PSMD14: variants seen among roughly 807,000 people sequenced by gnomAD.
PSMD14 encodes the protein ubiquitin C-terminal hydrolase PSMD14.
A neutral mutation model predicts 41.2 loss-of-function variants in PSMD14; 7 were observed. The ratio of observed to expected loss-of-function variants is 0.17; its 90% CI spans 0.10 to 0.32. The LOEUF (loss-of-function observed/expected upper bound fraction) is 0.32, where lower values mean the gene tolerates loss of function less well. Among genes scored for constraint, PSMD14 ranks in the 10% least tolerant of loss-of-function variants. The pLI, the probability that PSMD14 is intolerant of heterozygous loss-of-function variation, is 1.00. For synonymous variants in PSMD14, 114 were observed against 122.3 expected, an observed-to-expected ratio of 0.93 and a Z score of 0.45; for missense variants, 139 against 375.6, an observed-to-expected ratio of 0.37 and a Z score of 5.21.
At chr2:161,327,979 TGTGTGA>T (rs1357566388) in intron 3 of PSMD14, among the ~76,000 whole-genome samples, 30 of 148,914 alleles carry the variant, frequency 2.0e-4, no homozygotes, top group Non-Finnish European at 3.1e-4. Flanking sequence ...TGTGTGTGTG[TGTGTGA>T]GATGTTGGTT....
At chr2:161,341,222 C>T in intron 3 of PSMD14, 1 of 977,144 alleles carries the variant, frequency 1.0e-6, no homozygotes, top group Non-Finnish European at 1.2e-6. Flanking sequence ...GGGCAGGCTC[C>T]GGGCTCGCGG....
At chr2:161,370,997 T>G (rs1358645175) in intron 6 of PSMD14, among the ~76,000 whole-genome samples, 175 bp from the exon 7 acceptor site, 9 of 152,220 alleles carry the variant, frequency 5.9e-5, no homozygotes, top group Non-Finnish European at 1.5e-5. Context: ...CATATTCATT[T>G]CCATGTTTTC....
chr2:161,318,964 A>G (rs1689174217), intron 3 of PSMD14, 91 bp downstream of exon 3: 1 of 960,026 alleles, frequency 1.0e-6, no homozygotes, highest in South Asian at 1.6e-5. Flanking sequence ...CCCCAAGAAA[A>G]TCACCTAACA....
At chr2:161,395,234 T>G in intron 10 of PSMD14, 31 bp downstream of exon 10, 1 of 1,519,402 alleles carries the variant, frequency 6.6e-7, no homozygotes, top group African/African-American at 1.4e-5. Flanking sequence ...TTCTTCTTTA[T>G]AATCTTTGGA....
chr2:161,350,443 A>G (rs1238715083), intron 3 of PSMD14, among the ~76,000 whole-genome samples: 8 of 152,218 alleles, frequency 5.3e-5, no homozygotes, highest in Admixed American at 6.5e-5. Context: ...AGATGTGATA[A>G]TGTTTAATTT....
chr2:161,340,867 C>G lies in PSMD14; in HGVS notation c.48+21994C>G. 1.9e-6 allele frequency: 3 copies of G among 1,613,928 alleles called. 1 individual carries two copies. The highest frequency in any genetic ancestry group is 4.5e-5 in the East Asian group (2 of 44,868). ...AGCTCCTCTTTGGTCATCATCTTCTCGTACTGGTTTCCCCTCAGCTTCCCG... is the reference window on the plus strand; with the variant it reads ...AGCTCCTCTTTGGTCATCATCTTCTGGTACTGGTTTCCCCTCAGCTTCCCG... On this transcript the variant is annotated intron_variant, in intron 3 of 11. Coordinates refer to ENST00000409682, the MANE Select transcript of PSMD14 (RefSeq NM_005805.6).
intron 9 of PSMD14, among the ~76,000 whole-genome samples, chr2:161,393,201 CTT>C (rs1038140849): frequency 3.3e-5 from 5 of 152,118 alleles, no homozygotes; most frequent in African/African-American, 1.2e-4. Flanking sequence ...TGGGAACTGT[CTT>C]TGTTTGCTTT....
At chr2:161,396,914 G>A (rs543591444) in intron 10 of PSMD14, among the ~76,000 whole-genome samples, 1 of 152,208 alleles carries the variant, frequency 6.6e-6, no homozygotes, top group South Asian at 2.1e-4. Flanking sequence ...TGCAACATCT[G>A]TCTCCTGTGT....
intron 7 of PSMD14, among the ~76,000 whole-genome samples, chr2:161,377,154 A>G (rs1683514123): frequency 1.3e-5 from 2 of 151,974 alleles, no homozygotes; most frequent in African/African-American, 4.8e-5. Flanking sequence ...TGCTATATTT[A>G]TAAGATAATT....
At chr2:161,411,231 A>C in intron 11 of PSMD14, 71 bp from the exon 12 acceptor site, 2 of 1,006,736 alleles carry the variant, frequency 2.0e-6, no homozygotes, top group Non-Finnish European at 2.8e-6. Context: ...TCAGCTACTG[A>C]AAAAAATTTA....
At chr2:161,346,295 C>G (rs556993838) in intron 3 of PSMD14, among the ~76,000 whole-genome samples, 62 of 152,194 alleles carry the variant, frequency 4.1e-4, no homozygotes, top group African/African-American at 1.4e-3. Flanking sequence ...TTTTGTCATG[C>G]CTCTCTGAAC....
intron 7 of PSMD14, chr2:161,384,554 C>G (rs1261221849): frequency 6.7e-6 from 1 of 149,412 alleles, no homozygotes; most frequent in East Asian, 2.0e-4. Context: ...AATACTGTTA[C>G]TTAGTATATG....
intron 9 of PSMD14, among the ~76,000 whole-genome samples, chr2:161,392,524 A>G (rs1469687679): frequency 6.6e-6 from 1 of 152,102 alleles, no homozygotes; most frequent in African/African-American, 2.4e-5. Context: ...AGGATGTGCA[A>G]TATAAGATTT....
chr2:161,367,662 T>C, intron 4 of PSMD14, 113 bp downstream of exon 4: 17 of 1,410,498 alleles, frequency 1.2e-5, no homozygotes, highest in Non-Finnish European at 1.6e-5. Flanking sequence ...GCTATTGTTT[T>C]AGGTACATTT....
intron 8 of PSMD14, among the ~76,000 whole-genome samples, chr2:161,386,492 G>T (rs1281762392): frequency 6.6e-6 from 1 of 151,542 alleles, no homozygotes; most frequent in Admixed American, 6.6e-5. Context: ...TAATTTTGGG[G>T]CAGTCACTCA....
intron 3 of PSMD14, among the ~76,000 whole-genome samples, chr2:161,323,446 TA>T (rs1574115165): frequency 6.6e-6 from 1 of 152,128 alleles, no homozygotes; most frequent in East Asian, 1.9e-4. Context: ...GCAGATGACA[TA>T]AGGCTAGGAG....
rs1413768486 is a variant in PSMD14, at chr2:161,391,145, T to C, written c.612T>C (p.Thr204=). 2 of 1,540,572 alleles carry C rather than the reference T, an allele frequency of 1.3e-6. No homozygotes were observed. Among genetic ancestry groups the C allele is most frequent in the Non-Finnish European group, 1.8e-6 (2 of 1,141,648 alleles). ...HGLNRHYYSI[T]INYRKNELEQ... ...TAAACAGACATTATTACTCCATTAC[T>C]ATTAACTATCGGAAAAATGAACTGG... The change falls in exon 9 of 12, where the codon ACT becomes ACC. Residue 204 remains threonine, a synonymous_variant. Coordinates refer to ENST00000409682, the MANE Select transcript of PSMD14 (RefSeq NM_005805.6).
intron 3 of PSMD14, among the ~76,000 whole-genome samples, chr2:161,329,526 G>T (rs1278095027): frequency 6.6e-6 from 1 of 151,798 alleles, no homozygotes; most frequent in East Asian, 1.9e-4. Flanking sequence ...AGTATCTGAT[G>T]TAATCCTTTA....
intron 9 of PSMD14, among the ~76,000 whole-genome samples, chr2:161,393,932 A>G (rs895776793): frequency 2.0e-5 from 3 of 151,086 alleles, no homozygotes; most frequent in African/African-American, 7.3e-5. Flanking sequence ...CTGATATAGA[A>G]TCCAACCCCA....
Sources: allele counts gnomAD v4.1 joint callset (sites outside exome capture counted in the v4.1 genomes callset), GRCh38; gene constraint gnomAD v4.1.1; transcripts MANE v1.5; gene names NCBI Gene and HGNC (gene_info 2026-07-23, HGNC 2026-07-21).